Variants in PLCB4 observed in about 807,000 individuals in gnomAD.
The protein encoded by PLCB4 is phospholipase C beta 4, also known as 1-phosphatidylinositol 4,5-bisphosphate phosphodiesterase beta-4.
PLCB4 carries 77 observed loss-of-function variants against 178.8 expected under a neutral mutation model. The ratio of observed to expected loss-of-function variants is 0.43; its 90% confidence interval spans 0.36 to 0.52. The LOEUF (loss-of-function observed/expected upper bound fraction) is 0.52, where lower values mean the gene tolerates loss of function less well. Among genes scored for constraint, PLCB4 ranks in the 20% least tolerant of loss-of-function variants. PLCB4 has a pLI of 0.00. For missense variants in PLCB4, 1,024 were observed against 1,453.4 expected (o/e 0.70, Z 4.80); for synonymous variants, 496 against 490.8 (o/e 1.01, Z -0.14).
chr20:9,155,625 G>A (rs1313009987), intron 2 of PLCB4, among the ~76,000 whole-genome samples: 36 of 152,144 alleles, frequency 2.4e-4, no homozygotes, highest in Non-Finnish European at 4.4e-5. Context: ...TGGCAGCTAG[G>A]TTGATGGGAT....
At chr20:9,208,050 C>T (rs1206656648) in intron 2 of PLCB4, among the ~76,000 whole-genome samples, 4 of 152,200 alleles carry the variant, frequency 2.6e-5, no homozygotes, top group Non-Finnish European at 5.9e-5. Context: ...TGAGCCGTAT[C>T]TGTCTGAGTG....
intron 2 of PLCB4, among the ~76,000 whole-genome samples, chr20:9,183,370 C>A (rs2093278294): frequency 6.6e-6 from 1 of 152,074 alleles, no homozygotes; most frequent in Non-Finnish European, 1.5e-5. Flanking sequence ...TGAGGCTTCT[C>A]CAGAACAAGA....
chr20:9,192,041 A>G (rs951890136), intron 2 of PLCB4, among the ~76,000 whole-genome samples: 6 of 152,118 alleles, frequency 3.9e-5, no homozygotes, highest in Non-Finnish European at 8.8e-5. Flanking sequence ...CTTGAAATAG[A>G]TCCTGAGACC....
chr20:9,217,581 A>T (rs1397613631), intron 3 of PLCB4, 129 bp downstream of exon 3: 1 of 152,218 alleles, frequency 6.6e-6, no homozygotes, highest in African/African-American at 2.4e-5. Flanking sequence ...ATTCACAGAC[A>T]TCTTCCTTGA....
intron 2 of PLCB4, among the ~76,000 whole-genome samples, chr20:9,174,825 A>C (rs1377774670): frequency 6.6e-6 from 1 of 152,180 alleles, no homozygotes; most frequent in African/African-American, 2.4e-5. Context: ...AGAGTGGCAA[A>C]ATTAATGTCA....
At chr20:9,384,866 G>T (rs2037449693) in intron 14 of PLCB4, among the ~76,000 whole-genome samples, 1 of 151,006 alleles carries the variant, frequency 6.6e-6, no homozygotes, top group Non-Finnish European at 1.5e-5. Context: ...AGGGGGATGT[G>T]GCAGGGTCAT....
chr20:9,357,239 C>G (rs1358880063), intron 7 of PLCB4, among the ~76,000 whole-genome samples: 1 of 152,242 alleles, frequency 6.6e-6, no homozygotes. Context: ...TGATTATTCT[C>G]ACAGCTCAGA....
At chr20:9,315,461 T>A (rs983868561) in intron 4 of PLCB4, among the ~76,000 whole-genome samples, 1 of 152,044 alleles carries the variant, frequency 6.6e-6, no homozygotes, top group Non-Finnish European at 1.5e-5. Context: ...CCAATAAGCA[T>A]AGAAATGAAT....
rs918287676 is a variant in PLCB4 at position 9,178,550 on chromosome 20, C to T, written c.-78-38840C>T. Among the ~76,000 whole-genome samples, 4 of 151,372 alleles carry T rather than the reference C, an allele frequency of 2.6e-5. No homozygotes were observed. The East Asian group carries it at 5.8e-4, about 22-fold the overall frequency. On this transcript the variant is annotated intron_variant, in intron 2 of 39. Transcript: ENST00000378473. ...TGTATGGATTAATTTTTTAAAAGCC[C>T]TATCCATTTTATCAAAAGATATATT...
chr20:9,414,995 A>ATG (rs2040145173), intron 25 of PLCB4, among the ~76,000 whole-genome samples: 1 of 152,148 alleles, frequency 6.6e-6, no homozygotes, highest in South Asian at 2.1e-4. Flanking sequence ...TATTATATAT[A>ATG]TTGTGGTTCT....
chr20:9,471,532 G>A (rs1036105672), intron 36 of PLCB4, among the ~76,000 whole-genome samples: 1 of 152,178 alleles, frequency 6.6e-6, no homozygotes, highest in Non-Finnish European at 1.5e-5. Flanking sequence ...GTTAGATGGA[G>A]TGGAGAATTG....
chr20:9,341,680 T>C (rs897323888), intron 7 of PLCB4, among the ~76,000 whole-genome samples: 1 of 149,872 alleles, frequency 6.7e-6, no homozygotes, highest in Non-Finnish European at 1.5e-5. Flanking sequence ...TGAAAAAAAA[T>C]CCATGTATAA....
intron 4 of PLCB4, among the ~76,000 whole-genome samples, chr20:9,333,806 G>C (rs1038638985): frequency 2.0e-5 from 3 of 152,090 alleles, no homozygotes; most frequent in Non-Finnish European, 4.4e-5. Flanking sequence ...TACTGAAAGT[G>C]AGAGGAAAAG....
intron 3 of PLCB4, among the ~76,000 whole-genome samples, chr20:9,293,256 G>A (rs2094597326): frequency 6.7e-6 from 1 of 148,166 alleles, no homozygotes; most frequent in South Asian, 2.2e-4. Flanking sequence ...AGAAAGGGAA[G>A]GAAAGGGAAG....
intron 1 of PLCB4, among the ~76,000 whole-genome samples, chr20:9,095,896 G>A (rs1261903269): frequency 6.6e-6 from 1 of 151,712 alleles, no homozygotes; most frequent in East Asian, 1.9e-4. Flanking sequence ...CACTGGAAAA[G>A]CAGAAACAAG....
chr20:9,291,204 AT>A (rs2094576973), intron 3 of PLCB4, among the ~76,000 whole-genome samples: 1 of 152,168 alleles, frequency 6.6e-6, no homozygotes, highest in African/African-American at 2.4e-5. Flanking sequence ...GTCACATTAG[AT>A]TTATTTCAAG....
intron 3 of PLCB4, among the ~76,000 whole-genome samples, chr20:9,243,145 C>A (rs1476851332): frequency 6.6e-6 from 1 of 152,054 alleles, no homozygotes; most frequent in Admixed American, 6.6e-5. Context: ...CTGTATTTTA[C>A]CTGGCAGCCT....
chr20:9,355,281 T>C (rs79021843), intron 7 of PLCB4, among the ~76,000 whole-genome samples: 2,398 of 152,214 alleles, frequency 0.016, 26 homozygotes, highest in Non-Finnish European at 0.024. Flanking sequence ...ATTTTTTTAT[T>C]TTTTATATTT....
At chr20:9,157,310 T>C (rs2092808893) in intron 2 of PLCB4, among the ~76,000 whole-genome samples, 2 of 152,156 alleles carry the variant, frequency 1.3e-5, no homozygotes, top group African/African-American at 2.4e-5. Context: ...AAAGTGGCTA[T>C]AATTTAAACA....
Sources: gnomAD v4.1 joint callset for allele counts (sites outside exome capture counted in the v4.1 genomes callset) on GRCh38, gnomAD v4.1.1 for gene constraint, MANE v1.5 for transcripts, NCBI Gene and HGNC (gene_info 2026-07-23, HGNC 2026-07-21) for gene names.